CEP63: variants seen among roughly 807,000 people sequenced by gnomAD.
CEP63 encodes the protein centrosomal protein 63, also known as centrosomal protein of 63 kDa.
A neutral mutation model predicts 89.1 loss-of-function variants in CEP63; 84 were observed. The ratio of observed to expected loss-of-function variants is 0.94; its 90% confidence interval spans 0.79 to 1.13. The LOEUF (loss-of-function observed/expected upper bound fraction) is 1.13. Ranked by LOEUF, CEP63 falls within the 50% of genes most tolerant of loss-of-function variation. The pLI is 0.00. For synonymous variants in CEP63, 267 were observed against 272.5 expected, an observed-to-expected ratio of 0.98 and a Z score of 0.20; for missense variants, 838 against 813.3, an observed-to-expected ratio of 1.03 and a Z score of -0.37.
At chr3:134,492,582 T>C (rs1938091762) in intron 1 of CEP63, among the ~76,000 whole-genome samples, 1 of 152,126 alleles carries the variant, frequency 6.6e-6, no homozygotes, top group African/African-American at 2.4e-5. Context: ...CTTTTTTTTT[T>C]TTTTTTTAAA....
downstream of CEP63, among the ~76,000 whole-genome samples, chr3:134,591,593 T>A (rs6808670): frequency 0.64 from 96,376 of 151,646 alleles, 31,313 homozygotes; most frequent in East Asian, 0.81. Context: ...CAATGGCTCA[T>A]GCCTGTAATC....
chr3:134,620,835 T>G, the CEP63 span: 1 of 1,612,298 alleles, frequency 6.2e-7, no homozygotes, highest in Non-Finnish European at 8.5e-7. Context: ...CACCAGTTCG[T>G]CTAGGCCACT....
chr3:134,774,416 C>A, the CEP63 span, among the ~76,000 whole-genome samples: 13 of 152,324 alleles, frequency 8.5e-5, no homozygotes, highest in Admixed American at 2.6e-4. Flanking sequence ...TATTGATCCA[C>A]AAGTACCTTC....
chr3:134,503,757 G>A (rs778366634), intron 2 of CEP63, among the ~76,000 whole-genome samples: 34 of 151,930 alleles, frequency 2.2e-4, no homozygotes, highest in Non-Finnish European at 3.5e-4. Flanking sequence ...ATTATATAAT[G>A]ACCTTCTTTG....
At chr3:134,494,807 T>C (rs1939179014) in intron 1 of CEP63, among the ~76,000 whole-genome samples, 1 of 152,198 alleles carries the variant, frequency 6.6e-6, no homozygotes, top group African/African-American at 2.4e-5. Context: ...GGAAGCTCTA[T>C]GAGCCTGTCT....
At chr3:134,623,811 G>A in the CEP63 span, among the ~76,000 whole-genome samples, 6 of 152,108 alleles carry the variant, frequency 3.9e-5, no homozygotes, top group Admixed American at 2.6e-4. Context: ...TGTTGACCAC[G>A]TCTGCCCCAG....
rs1224725989 is a variant in CEP63 at position 134,562,006 on chromosome 3, G to A, written c.*471G>A. On this transcript the variant is annotated 3_prime_UTR_variant, in exon 15 of 15. Transcript: ENST00000675561. ...AACGGGGCTTGTTATTTACTGGGCT[G>A]GTAGCCCCTCCTAGCCAAGGGGCTG... The A allele has an allele frequency of 5.9e-6, 6 of 1,012,626 alleles. No individual in the cohort carries two copies. Among genetic ancestry groups the A allele is most frequent in the Non-Finnish European group, 7.1e-6 (6 of 846,512 alleles). 62.7% of individuals were successfully genotyped at this position (1,012,626 alleles called of 1,614,324 possible). A position where few individuals can be genotyped will look rare whatever the true frequency, so the allele number is the denominator to read the frequency against.
At chr3:134,604,471 T>G in the CEP63 span, 1 of 1,601,380 alleles carries the variant, frequency 6.2e-7, no homozygotes, top group African/African-American at 1.3e-5. Flanking sequence ...GGCCTTCCCA[T>G]TCACTGAGGA....
At chr3:134,489,848 A>G (rs1465284710) in intron 1 of CEP63, among the ~76,000 whole-genome samples, 1 of 152,208 alleles carries the variant, frequency 6.6e-6, no homozygotes, top group East Asian at 1.9e-4. Flanking sequence ...ACCTATAATC[A>G]TGAACTTATA....
downstream of CEP63, among the ~76,000 whole-genome samples, chr3:134,567,585 C>T (rs4955555): frequency 0.66 from 100,242 of 151,996 alleles, 33,442 homozygotes; most frequent in East Asian, 0.81. Context: ...ATTTTCAACT[C>T]TCAGTTCACA....
At chr3:134,543,648 G>A (rs1011941494) in intron 6 of CEP63, among the ~76,000 whole-genome samples, 5 of 152,176 alleles carry the variant, frequency 3.3e-5, no homozygotes, top group African/African-American at 1.2e-4. Flanking sequence ...ATAGTGTTTT[G>A]CAATTATGTA....
chr3:134,740,813 C>T, the CEP63 span, among the ~76,000 whole-genome samples: 4 of 152,168 alleles, frequency 2.6e-5, no homozygotes, highest in Admixed American at 6.5e-5. Context: ...CAACGAGGGC[C>T]GACCCCAGGG....
At chr3:134,766,983 T>G in the CEP63 span, among the ~76,000 whole-genome samples, 1 of 152,104 alleles carries the variant, frequency 6.6e-6, no homozygotes, top group Non-Finnish European at 1.5e-5. Context: ...GTGCTTGGGA[T>G]TGATTAAATT....
chr3:134,585,496 A>G (rs944393844), intron 10 of CEP63, among the ~76,000 whole-genome samples: 1 of 151,902 alleles, frequency 6.6e-6, no homozygotes, highest in Non-Finnish European at 1.5e-5. Context: ...AGTTGTTTCC[A>G]TGTAGTTGAG....
At chr3:134,702,717 A>G in the CEP63 span, among the ~76,000 whole-genome samples, 4 of 152,328 alleles carry the variant, frequency 2.6e-5, no homozygotes, top group East Asian at 7.7e-4. Flanking sequence ...CATTAAATAA[A>G]GCTCAACATC....
At chr3:134,736,407 C>T in the CEP63 span, among the ~76,000 whole-genome samples, 1 of 151,976 alleles carries the variant, frequency 6.6e-6, no homozygotes, top group Non-Finnish European at 1.5e-5. Flanking sequence ...AGAAAATTAC[C>T]ATTTGAGAGT....
chr3:134,499,914 T>C (rs1941446467), intron 2 of CEP63, among the ~76,000 whole-genome samples: 1 of 150,146 alleles, frequency 6.7e-6, no homozygotes. Flanking sequence ...ACCTCTGTCT[T>C]CTGGGTTCAA....
At chr3:134,579,834 A>G (rs1958301937), downstream of CEP63, among the ~76,000 whole-genome samples, 1 of 152,238 alleles carries the variant, frequency 6.6e-6, no homozygotes, top group Non-Finnish European at 1.5e-5. Context: ...TAGTATATCC[A>G]TGCAAATAAT....
chr3:134,692,455 T>A, the CEP63 span, among the ~76,000 whole-genome samples: 1 of 152,300 alleles, frequency 6.6e-6, no homozygotes, highest in Middle Eastern at 3.4e-3. Flanking sequence ...TCCTTTTTTA[T>A]GGCTGCATAG....
Sources: allele counts gnomAD v4.1 joint callset (sites outside exome capture counted in the v4.1 genomes callset), GRCh38; gene constraint gnomAD v4.1.1; transcripts MANE v1.5; gene names NCBI Gene and HGNC (gene_info 2026-07-23, HGNC 2026-07-21).